Variants in ANKRD36 observed in about 807,000 individuals in gnomAD.
ANKRD36 encodes ankyrin repeat domain-containing protein 36A.
A neutral mutation model predicts 278.1 loss-of-function variants in ANKRD36; 179 were observed. The ratio of observed to expected loss-of-function variants is 0.64; its 90% CI spans 0.57 to 0.73. ANKRD36 has a LOEUF of 0.73. Among genes scored for constraint, ANKRD36 ranks in the 30% least tolerant of loss-of-function variants. ANKRD36 has a pLI of 0.00. For synonymous variants in ANKRD36, 320 were observed against 641.1 expected (o/e 0.50, Z 7.57); for missense variants, 1,159 against 1,956.7 (o/e 0.59, Z 7.69).
intron 26 of ANKRD36, among the ~76,000 whole-genome samples, chr2:97,183,005 C>T (rs1013294959): frequency 1.3e-5 from 2 of 151,588 alleles, no homozygotes; most frequent in Non-Finnish European, 2.9e-5. Flanking sequence ...TGTGTACCTC[C>T]TCAATTACCA....
Position 97,208,193 on chromosome 2 carries a change from A to G in ANKRD36, c.3265+187A>G, listed in dbSNP as rs542965376. Among the ~76,000 whole-genome samples, 21 of 146,610 alleles carry G rather than the reference A, an allele frequency of 1.4e-4. 1 individual carries two copies. The highest frequency in any genetic ancestry group is 2.1e-4 in the South Asian group (1 of 4,732). ...GGTCTGGAACATGATCTTCGCAGTA[A>G]GATTATACACTTCCCCACATTGAAA... is the stretch of plus-strand genomic sequence containing the variant. On this transcript the variant is annotated intron_variant, in intron 54 of 75. Transcript: ENST00000420699.
chr2:97,128,625 C>T (rs532356391), intron 6 of ANKRD36, among the ~76,000 whole-genome samples: 70 of 152,100 alleles, frequency 4.6e-4, no homozygotes, highest in Non-Finnish European at 9.3e-4. Flanking sequence ...GCAGAAGCTA[C>T]GTGCACAGGG....
intron 3 of ANKRD36, among the ~76,000 whole-genome samples, chr2:97,121,022 C>T (rs1247835431): frequency 6.6e-6 from 1 of 152,000 alleles, no homozygotes; most frequent in Non-Finnish European, 1.5e-5. Flanking sequence ...TTCACTTCCT[C>T]AGGTCATCTC....
intron 75 of ANKRD36, among the ~76,000 whole-genome samples, chr2:97,259,069 T>G (rs1219421980): frequency 1.4e-5 from 2 of 141,126 alleles, no homozygotes; most frequent in Non-Finnish European, 3.0e-5. Context: ...GTTGTTGTTT[T>G]TCCCCGATGG....
At chr2:97,192,726 T>C (rs769315221) in intron 36 of ANKRD36, 132 bp from the exon 37 acceptor site, 221 of 1,295,136 alleles carry the variant, frequency 1.7e-4, no homozygotes, top group Middle Eastern at 2.6e-4. Flanking sequence ...GTCCCCAGAC[T>C]AAAAGTAGAA....
At chr2:97,169,922 T>G (rs2051914392) in intron 22 of ANKRD36, among the ~76,000 whole-genome samples, 1 of 152,078 alleles carries the variant, frequency 6.6e-6, no homozygotes, top group Non-Finnish European at 1.5e-5. Flanking sequence ...TAGAAAAAAC[T>G]ACTGGAAATT....
chr2:97,160,713 A>G (rs2048654552), intron 17 of ANKRD36, among the ~76,000 whole-genome samples: 1 of 152,098 alleles, frequency 6.6e-6, no homozygotes, highest in African/African-American at 2.4e-5. Context: ...AACCATATGA[A>G]CTTTAAAATA....
In ANKRD36 at chr2:97,124,050, T is replaced by C. The variant is rs2037838922; in HGVS notation, c.594-410T>C. 2.0e-5 allele frequency among the ~76,000 whole-genome samples: 3 copies of C among 150,896 alleles called. No individual in the cohort carries two copies. The Admixed American group carries it at 2.0e-4, about 10-fold the overall frequency. On this transcript the variant is annotated intron_variant, in intron 4 of 75. Coordinates refer to ENST00000420699, the MANE Select transcript of ANKRD36 (RefSeq NM_001354587.1). ...CTATGACTACTACTATTAGCATTCC[T>C]ATTAATATTATTGTTTTAAGCCTGC...
intron 15 of ANKRD36, among the ~76,000 whole-genome samples, chr2:97,157,745 AAAAT>A (rs957349601): frequency 6.7e-6 from 1 of 149,618 alleles, no homozygotes; most frequent in African/African-American, 2.5e-5. Flanking sequence ...AGTATTTTGA[AAAAT>A]AAAGTGATTA....
At chr2:97,138,332 A>T (rs1325496753) in intron 6 of ANKRD36, among the ~76,000 whole-genome samples, 1 of 152,176 alleles carries the variant, frequency 6.6e-6, no homozygotes, top group African/African-American at 2.4e-5. Context: ...GAACTCCCAT[A>T]CACAATTGCT....
At chr2:97,131,238 G>A (rs1212022480) in intron 6 of ANKRD36, among the ~76,000 whole-genome samples, 3 of 150,972 alleles carry the variant, frequency 2.0e-5, no homozygotes, top group African/African-American at 4.9e-5. Flanking sequence ...TTCCCAGGCT[G>A]GAGTACAATA....
At chr2:97,133,257 CAT>C (rs1417420476) in intron 6 of ANKRD36, among the ~76,000 whole-genome samples, 1 of 151,676 alleles carries the variant, frequency 6.6e-6, no homozygotes, top group East Asian at 2.0e-4. Context: ...GGTAATATAA[CAT>C]AGCATGGTGC....
rs537392182 is a variant in ANKRD36, at chr2:97,196,864, G to T, written c.2653+76G>T. On this transcript the variant is annotated intron_variant, in intron 42 of 75. Coordinates refer to ENST00000420699, the MANE Select transcript of ANKRD36 (RefSeq NM_001354587.1). ...GTTCTCTTCCCCAAATAAATCAGCG[G>T]GGGGCTCATCGAAGCTGCACTTTCT... 3.9e-6 allele frequency: 6 copies of T among 1,533,930 alleles called. No individual in the cohort carries two copies. The East Asian group carries it at 1.2e-4, about 31-fold the overall frequency.
Position 97,153,617 on chromosome 2 carries a change from G to C in ANKRD36, c.1194-1058G>C, listed in dbSNP as rs200274978. 1.2e-3 allele frequency among the ~76,000 whole-genome samples: 165 copies of C among 139,530 alleles called. 2 individuals carry two copies. Among genetic ancestry groups the C allele is most frequent in the Middle Eastern group, 3.7e-3 (1 of 268 alleles). 91.5% of individuals were successfully genotyped at this position (139,530 alleles called of 152,430 possible). On this transcript the variant is annotated intron_variant, in intron 14 of 75. Coordinates refer to ENST00000420699, the MANE Select transcript of ANKRD36 (RefSeq NM_001354587.1). ...GCACTCAGGTTTCTTAGTTCAAAACGCAGTCTTCTTTTACATCATTCTGTC... is the reference window on the plus strand; with the variant it reads ...GCACTCAGGTTTCTTAGTTCAAAACCCAGTCTTCTTTTACATCATTCTGTC...
intron 67 of ANKRD36, among the ~76,000 whole-genome samples, chr2:97,231,706 G>A (rs1405166899): frequency 6.6e-6 from 1 of 152,106 alleles, no homozygotes; most frequent in Middle Eastern, 3.2e-3. Flanking sequence ...TGGAAATGCA[G>A]AAACCACCCA....
chr2:97,122,833 TCA>T, intron 3 of ANKRD36, 52 bp from the exon 4 acceptor site: 1 of 1,473,864 alleles, frequency 6.8e-7, no homozygotes, highest in East Asian at 2.7e-5. Flanking sequence ...GGTTTTCAGT[TCA>T]GTTGATAAAT....
intron 68 of ANKRD36, among the ~76,000 whole-genome samples, chr2:97,235,013 A>G (rs1469184083): frequency 1.4e-5 from 2 of 141,278 alleles, no homozygotes; most frequent in African/African-American, 2.9e-5. Flanking sequence ...GAAGATTTTA[A>G]TCATAATGAA....
At position 97,142,791 on chromosome 2, in the gene ANKRD36, C is replaced by G. The variant is rs747469072; in HGVS notation, c.857C>G (p.Ser286Ter). The change falls in exon 8 of 76, where the codon TCA (serine) becomes TGA (stop). Residue 286 changes from serine (S) to a stop codon, truncating the protein, a stop_gained. Coordinates refer to ENST00000420699, the MANE Select transcript of ANKRD36 (RefSeq NM_001354587.1). LOFTEE classifies it high-confidence loss of function. ...KATSGKEDSI[S>*]NIATEIKDGQ... ...ACAAGTGGCAAGGAAGATTCTATTTCAAATATAGCCACAGAAATAAAGGAT... is the reference window on the plus strand; with the variant it reads ...ACAAGTGGCAAGGAAGATTCTATTTGAAATATAGCCACAGAAATAAAGGAT... The G allele has an allele frequency of 1.3e-6, 2 of 1,570,840 alleles. No individual in the cohort carries two copies. Among genetic ancestry groups the G allele is most frequent in the Admixed American group, 1.9e-5 (1 of 53,248 alleles).
At chr2:97,213,063 A>G (rs1172235153) in intron 58 of ANKRD36, 6 of 472,502 alleles carry the variant, frequency 1.3e-5, no homozygotes, top group Non-Finnish European at 2.2e-5. Context: ...ATGTGGCATC[A>G]TGTAGAACCT....
Sources: allele counts gnomAD v4.1 joint callset (sites outside exome capture counted in the v4.1 genomes callset), GRCh38; gene constraint gnomAD v4.1.1; transcripts MANE v1.5; gene names NCBI Gene and HGNC (gene_info 2026-07-23, HGNC 2026-07-21).